Variants in SLMAP observed in about 807,000 individuals in gnomAD.
The protein encoded by SLMAP is sarcolemmal membrane-associated protein.
A neutral mutation model predicts 128.8 loss-of-function variants in SLMAP; 44 were observed. The ratio of observed to expected loss-of-function variants is 0.34; its 90% CI spans 0.27 to 0.44. SLMAP has a LOEUF of 0.44. SLMAP is among the 20% of genes least tolerant of loss of function. The pLI, the probability that SLMAP is intolerant of heterozygous loss-of-function variation, is 1.00. For missense variants in SLMAP, 787 were observed against 985.3 expected (o/e 0.80, Z 2.69); for synonymous variants, 327 against 348.8 (o/e 0.94, Z 0.70).
chr3:57,851,603 GC>G (rs1016833763), intron 6 of SLMAP, among the ~76,000 whole-genome samples: 1 of 151,676 alleles, frequency 6.6e-6, no homozygotes, highest in Non-Finnish European at 1.5e-5. Flanking sequence ...CTCCCGAGTA[GC>G]TGGAATTAAA....
At chr3:57,902,004 G>C (rs763939619) in intron 17 of SLMAP, 6 of 152,146 alleles carry the variant, frequency 3.9e-5, no homozygotes, top group Non-Finnish European at 8.8e-5. Context: ...CCACACTCCA[G>C]CCTGGGTGAC....
chr3:57,920,695 C>A (rs1322840433), intron 22 of SLMAP, among the ~76,000 whole-genome samples: 1 of 151,996 alleles, frequency 6.6e-6, no homozygotes, highest in Non-Finnish European at 1.5e-5. Flanking sequence ...CAATCCTTGT[C>A]TATCTTCCTT....
At chr3:57,772,122 A>C (rs1268478625) in intron 2 of SLMAP, among the ~76,000 whole-genome samples, 1 of 152,244 alleles carries the variant, frequency 6.6e-6, no homozygotes, top group South Asian at 2.1e-4. Flanking sequence ...TAAGAGCACT[A>C]TGTGATCAAG....
intron 6 of SLMAP, among the ~76,000 whole-genome samples, chr3:57,850,570 C>T (rs904752261): frequency 2.6e-5 from 4 of 152,166 alleles, no homozygotes; most frequent in Admixed American, 6.5e-5. Flanking sequence ...AGGTGTGAGC[C>T]GCCATGCCGA....
At chr3:57,896,191 T>C in intron 15 of SLMAP, 1 of 1,037,214 alleles carries the variant, frequency 9.6e-7, no homozygotes, top group South Asian at 3.6e-5. Flanking sequence ...AATTGTACTA[T>C]ATTTGTTGCA....
At chr3:57,816,968 A>G (rs1040067447) in intron 2 of SLMAP, among the ~76,000 whole-genome samples, 2 of 152,226 alleles carry the variant, frequency 1.3e-5, no homozygotes, top group African/African-American at 4.8e-5. Flanking sequence ...TGGAATGGAT[A>G]GTACTTTGAG....
intron 15 of SLMAP, among the ~76,000 whole-genome samples, chr3:57,895,040 C>T (rs1245037730): frequency 6.6e-6 from 1 of 151,882 alleles, no homozygotes; most frequent in Non-Finnish European, 1.5e-5. Flanking sequence ...ACCTGTAATT[C>T]TAGCACTTGG....
rs2094303499 is a variant in SLMAP at position 57,847,326 on chromosome 3, C to A, written c.456+93C>A. ...ATATGCTTTACCTAGAAATTTATTT[C>A]TCTTTTATAACAAAATATGTAGAAT... On this transcript the variant is annotated intron_variant, in intron 5 of 24. Transcript: ENST00000671191. 20 of 900,310 alleles carry A rather than the reference C, an allele frequency of 2.2e-5. No homozygotes were observed. The South Asian group carries it at 2.9e-4, about 13-fold the overall frequency. 55.8% of individuals were successfully genotyped at this position (900,310 alleles called of 1,614,324 possible). A position where few individuals can be genotyped will look rare whatever the true frequency, so the allele number is the denominator to read the frequency against.
intron 2 of SLMAP, among the ~76,000 whole-genome samples, chr3:57,815,568 AATATTATAT>A (rs1373414259): frequency 6.6e-6 from 1 of 152,102 alleles, no homozygotes; most frequent in African/African-American, 2.4e-5. Context: ...ATAACCATAA[AATATTATAT>A]ATGTTATATA....
chr3:57,876,107 C>G (rs1487636911), intron 14 of SLMAP, among the ~76,000 whole-genome samples: 2 of 152,126 alleles, frequency 1.3e-5, no homozygotes, highest in Non-Finnish European at 2.9e-5. Flanking sequence ...ACCTAGCCTT[C>G]ATTATTTATT....
intron 15 of SLMAP, 88 bp downstream of exon 15, chr3:57,890,188 A>G: frequency 1.6e-6 from 2 of 1,282,076 alleles, no homozygotes; most frequent in East Asian, 2.4e-5. Context: ...TATTTTAACC[A>G]TCAGTTTACT....
At chr3:57,773,683 T>C (rs1296034661) in intron 2 of SLMAP, among the ~76,000 whole-genome samples, 1 of 152,226 alleles carries the variant, frequency 6.6e-6, no homozygotes, top group Non-Finnish European at 1.5e-5. Context: ...CTGTCTGCTT[T>C]AGCATTCTGA....
At chr3:57,923,306 C>T (rs1474345301) in intron 23 of SLMAP, among the ~76,000 whole-genome samples, 1 of 152,206 alleles carries the variant, frequency 6.6e-6, no homozygotes, top group African/African-American at 2.4e-5. Flanking sequence ...CCAGATGAGT[C>T]TGAAGCTCTG....
At position 57,757,020 on chromosome 3, in the gene SLMAP, C is replaced by T. The variant is rs1470722623; in HGVS notation, c.-632C>T. 2.0e-5 allele frequency: 3 copies of T among 153,350 alleles called. No homozygotes were observed. Among genetic ancestry groups the T allele is most frequent in the East Asian group, 3.9e-4 (2 of 5,176 alleles). The allele number at this position is 153,350 out of a possible 1,614,324, so 9.5% of individuals were successfully genotyped here. A position where few individuals can be genotyped will look rare whatever the true frequency, so the allele number is the denominator to read the frequency against. On this transcript the variant is annotated 5_prime_UTR_variant, in exon 2 of 25. Coordinates refer to ENST00000671191, the MANE Select transcript of SLMAP (RefSeq NM_001377540.1). ...CGTGCCAGGCCGGGGACCGCGTCCCCCTTCCCGGGGCGGCCTCCGCTCAGC... is the reference window on the plus strand; with the variant it reads ...CGTGCCAGGCCGGGGACCGCGTCCCTCTTCCCGGGGCGGCCTCCGCTCAGC...
chr3:57,841,077 A>G (rs1438312406), intron 3 of SLMAP, among the ~76,000 whole-genome samples: 1 of 152,166 alleles, frequency 6.6e-6, no homozygotes, highest in African/African-American at 2.4e-5. Context: ...GGAGATTAAG[A>G]CACTTTTCAA....
chr3:57,784,666 G>A (rs560714891), intron 2 of SLMAP, among the ~76,000 whole-genome samples: 1 of 152,278 alleles, frequency 6.6e-6, no homozygotes, highest in Admixed American at 6.5e-5. Flanking sequence ...TATTGGGATG[G>A]AATCTTTGCA....
intron 2 of SLMAP, among the ~76,000 whole-genome samples, chr3:57,811,785 T>C (rs2091019886): frequency 6.6e-6 from 1 of 152,170 alleles, no homozygotes; most frequent in South Asian, 2.1e-4. Context: ...TCCTAATGGG[T>C]GTGAAGTGGT....
chr3:57,924,964 T>G (rs537340680), intron 23 of SLMAP, among the ~76,000 whole-genome samples: 440 of 127,232 alleles, frequency 3.5e-3, no homozygotes, highest in East Asian at 6.9e-3. Flanking sequence ...TTTGTTTTTT[T>G]TTTTTTTGGT....
intron 19 of SLMAP, among the ~76,000 whole-genome samples, chr3:57,909,524 T>C (rs1230422212): frequency 6.8e-6 from 1 of 147,180 alleles, no homozygotes; most frequent in East Asian, 2.0e-4. Context: ...AAAAATGAAA[T>C]GGAAAGTAAG....
Sources: allele counts gnomAD v4.1 joint callset (sites outside exome capture counted in the v4.1 genomes callset), GRCh38; gene constraint gnomAD v4.1.1; transcripts MANE v1.5; gene names NCBI Gene and HGNC (gene_info 2026-07-23, HGNC 2026-07-21).